The following CSNK1G2 variants were observed in gnomAD, a reference collection of about 807,000 sequenced individuals.
CSNK1G2 encodes casein kinase 1 gamma 2, also known as casein kinase I isoform gamma-2.
Under a neutral mutation model 48.0 loss-of-function variants are expected in CSNK1G2, and 11 were observed. The observed-to-expected ratio is 0.23, with a 90% CI of 0.14 to 0.38. The LOEUF is 0.38. Ranked by LOEUF, CSNK1G2 falls within the 10% of genes least tolerant of loss-of-function variation. CSNK1G2 has a pLI of 1.00. For synonymous variants in CSNK1G2, 337 were observed against 254.1 expected (o/e 1.33, Z -3.10); for missense variants, 446 against 595.5 (o/e 0.75, Z 2.61).
rs973580081 is a variant in CSNK1G2 at position 1,957,268 on chromosome 19, C to T, written c.-265-12240C>T. On this transcript the variant is annotated intron_variant, in intron 1 of 11. Transcript: ENST00000255641. The surrounding 1 kb of genome is among the most constrained non-coding windows in gnomAD (Gnocchi z 5.4). ...GGAGAGCAGGCCAGTGGCCCTGTGC[C>T]CAGGAGGGTGCCTTGCCCAGCCTGG... Among the ~76,000 whole-genome samples, 2 of 152,182 alleles carry T rather than the reference C, an allele frequency of 1.3e-5. No individual in the cohort carries two copies. The highest frequency in any genetic ancestry group is 2.9e-5 in the Non-Finnish European group (2 of 68,028).
intron 2 of CSNK1G2, among the ~76,000 whole-genome samples, chr19:1,970,470 TCTG>T (rs1339208078): frequency 6.6e-6 from 1 of 152,230 alleles, no homozygotes. Flanking sequence ...CTCCGTCCCT[TCTG>T]CTCACACCAA....
chr19:1,977,367 C>T (rs1378150653), intron 2 of CSNK1G2, among the ~76,000 whole-genome samples: 1 of 152,208 alleles, frequency 6.6e-6, no homozygotes, highest in Non-Finnish European at 1.5e-5. Context: ...TGGGGCCGTG[C>T]CCCCTCCCAG....
chr19:1,960,167 A>G (rs1468562166), intron 1 of CSNK1G2, among the ~76,000 whole-genome samples: 1 of 152,212 alleles, frequency 6.6e-6, no homozygotes, highest in Non-Finnish European at 1.5e-5. Context: ...AGGGGCGTGT[A>G]GGAAGAAAAG....
chr19:1,953,366 C>G (rs1409214673), intron 1 of CSNK1G2: 1 of 533,332 alleles, frequency 1.9e-6, no homozygotes, highest in African/African-American at 1.9e-5. Context: ...CCATGGGGGC[C>G]TGGGTGGGGG....
intron 1 of CSNK1G2, among the ~76,000 whole-genome samples, chr19:1,948,521 CAAAAAAAAAA>C (rs72007357): frequency 1.1e-5 from 1 of 87,088 alleles, no homozygotes; most frequent in East Asian, 3.3e-4. Flanking sequence ...GACTCCGTCT[CAAAAAAAAAA>C]AAAAAAAACG....
rs1459727225 is a variant in CSNK1G2, at chr19:1,946,244, GC to G, written c.-266+4827del. On this transcript the variant is annotated intron_variant, in intron 1 of 11. Transcript: ENST00000255641. Reference sequence around the variant, plus strand: ...AGAGGCTCGGGGGTCACGGGCCAGGGCTGGCCCATCACTATTTATTCGTTTA... The same window carrying G: ...AGAGGCTCGGGGGTCACGGGCCAGGGTGGCCCATCACTATTTATTCGTTTA... Among the ~76,000 whole-genome samples the G allele has an allele frequency of 5.5e-5, 7 of 127,514 alleles. No individual in the cohort carries two copies. The Admixed American group carries it at 5.7e-4, about 10-fold the overall frequency. 83.7% of individuals were successfully genotyped at this position (127,514 alleles called of 152,430 possible). A position where few individuals can be genotyped will look rare whatever the true frequency, so the allele number is the denominator to read the frequency against.
rs753769577 is a variant in CSNK1G2, at chr19:1,979,412, TCCCTGCGCCCCCG to T, written c.853+15_853+27del. 2.1e-5 allele frequency: 32 copies of T among 1,557,922 alleles called. No individual in the cohort carries two copies. In the South Asian group the frequency reaches 2.8e-4, roughly 14 times the overall value. On this transcript the variant is annotated intron_variant, in intron 8 of 11. Coordinates refer to ENST00000255641, the MANE Select transcript of CSNK1G2 (RefSeq NM_001319.7). ...CTGCGAGAACTTCCCAGGTAAGGGG[TCCCTGCGCCCCCG>T]CCCTGTGCCCCCCACCCCCCACCCC...
intron 1 of CSNK1G2, among the ~76,000 whole-genome samples, chr19:1,968,111 C>T (rs191574753): frequency 7.9e-5 from 4 of 50,812 alleles, no homozygotes; most frequent in African/African-American, 4.4e-4. Flanking sequence ...AGGCTGCCCC[C>T]GACCACCCTT....
chr19:1,971,558 C>T (rs1334486756), intron 2 of CSNK1G2, among the ~76,000 whole-genome samples: 2 of 152,262 alleles, frequency 1.3e-5, no homozygotes, highest in South Asian at 2.1e-4. Context: ...CACACGCACA[C>T]AGGCGCACAC....
At chr19:1,976,565 G>A (rs941146891) in intron 2 of CSNK1G2, among the ~76,000 whole-genome samples, 57 of 152,182 alleles carry the variant, frequency 3.7e-4, no homozygotes, top group African/African-American at 1.1e-3. Flanking sequence ...AGGCTCTCAG[G>A]GCCCAGGTGG....
chr19:1,941,466 G>A (rs1334036125), intron 1 of CSNK1G2, 48 bp downstream of exon 1: 2 of 144,418 alleles, frequency 1.4e-5, no homozygotes, highest in African/African-American at 5.1e-5. Context: ...CTGCACCCTG[G>A]CCCTGGGCGC....
At chr19:1,967,105 G>A (rs188188014) in intron 1 of CSNK1G2, among the ~76,000 whole-genome samples, 21 of 152,284 alleles carry the variant, frequency 1.4e-4, no homozygotes, top group Admixed American at 2.6e-4. Context: ...TACTGTGAAC[G>A]TAACTTGTGT....
At chr19:1,975,009 A>G in intron 2 of CSNK1G2, 1 of 956,340 alleles carries the variant, frequency 1.0e-6, no homozygotes, top group Non-Finnish European at 1.2e-6. Context: ...CTGCAGATCC[A>G]CAGGCCTCAG....
intron 1 of CSNK1G2, chr19:1,953,053 C>G (rs1004729738): frequency 1.5e-5 from 6 of 399,890 alleles, no homozygotes; most frequent in African/African-American, 4.4e-5. Context: ...GCAGCCCACC[C>G]AGGTTTTCCA....
chr19:1,946,007 C>A (rs1401628708), intron 1 of CSNK1G2, among the ~76,000 whole-genome samples: 2 of 152,132 alleles, frequency 1.3e-5, no homozygotes, highest in Non-Finnish European at 2.9e-5. Flanking sequence ...GCCGGCCTGA[C>A]CCGTGGGGTA....
At chr19:1,963,847 C>T (rs374797382) in intron 1 of CSNK1G2, among the ~76,000 whole-genome samples, 10 of 143,388 alleles carry the variant, frequency 7.0e-5, no homozygotes, top group East Asian at 4.2e-4. Flanking sequence ...GACAGAATCT[C>T]GCTCTGTCGC....
intron 1 of CSNK1G2, among the ~76,000 whole-genome samples, chr19:1,959,722 T>TCCCCACATC (rs2145541252): frequency 1.1e-5 from 1 of 92,760 alleles, no homozygotes; most frequent in African/African-American, 8.1e-5. Flanking sequence ...CCACCCTGAG[T>TCCCCACATC]CCTCCAGCAC....
intron 1 of CSNK1G2, among the ~76,000 whole-genome samples, chr19:1,955,057 T>A (rs1437245907): frequency 1.3e-5 from 2 of 152,128 alleles, no homozygotes; most frequent in African/African-American, 4.8e-5. Flanking sequence ...CTGGCTTCCC[T>A]TGGGCACCCC....
intron 1 of CSNK1G2, chr19:1,953,456 T>A (rs777371573): frequency 3.7e-6 from 2 of 534,450 alleles, no homozygotes; most frequent in Non-Finnish European, 7.7e-6. Flanking sequence ...CTTTTGTTGA[T>A]GGCGTCTGAG....
Sources: gnomAD v4.1 joint callset for allele counts (sites outside exome capture counted in the v4.1 genomes callset) on GRCh38, gnomAD v4.1.1 for gene constraint, Gnocchi (gnomAD v3.1) non-coding constraint, MANE v1.5 for transcripts, NCBI Gene and HGNC (gene_info 2026-07-23, HGNC 2026-07-21) for gene names.